MROH7: variants seen among roughly 807,000 people sequenced by gnomAD.
MROH7 encodes the protein maestro heat-like repeat-containing protein family member 7.
MROH7 carries 113 observed loss-of-function variants against 129.2 expected under a neutral mutation model. That is an observed-to-expected ratio of 0.87 (90% CI 0.75 to 1.02). MROH7 has a LOEUF of 1.02. Ranked by LOEUF, MROH7 falls within the 50% of genes least tolerant of loss-of-function variation. The probability of loss-of-function intolerance (pLI) is 0.00; values close to 1 mark genes in which losing one functional copy is unlikely to be tolerated. For synonymous variants in MROH7, 655 were observed against 667.9 expected, an observed-to-expected ratio of 0.98 and a Z score of 0.30; for missense variants, 1,601 against 1,671.3, an observed-to-expected ratio of 0.96 and a Z score of 0.73.
intron 10 of MROH7, among the ~76,000 whole-genome samples, chr1:54,675,865 G>T (rs752333553): frequency 1.5e-3 from 231 of 151,718 alleles, no homozygotes; most frequent in Non-Finnish European, 2.9e-3. Context: ...CGAACTTCTG[G>T]GCTCAAGTGA....
intron 17 of MROH7, 48 bp downstream of exon 17, chr1:54,695,538 C>A: frequency 8.4e-7 from 1 of 1,184,962 alleles, no homozygotes; most frequent in African/African-American, 1.5e-5. Flanking sequence ...TCCCGGGCCT[C>A]GGTTCACGTC....
Position 54,675,926 on chromosome 1 carries a change from G to A in MROH7, c.1936+1775G>A, listed in dbSNP as rs370956346. ...GCTGGGATTACAGGCGTGCACCACC[G>A]CACCCCGCCGAGGCAGCTCATTTAA... On this transcript the variant is annotated intron_variant, in intron 10 of 23. Transcript: ENST00000421030. 1.0e-3 allele frequency among the ~76,000 whole-genome samples: 153 copies of A among 151,946 alleles called. 1 individual carries two copies. The highest frequency in any genetic ancestry group is 3.4e-3 in the Middle Eastern group (1 of 294).
chr1:54,680,537 T>C (rs1352196799), intron 13 of MROH7, among the ~76,000 whole-genome samples: 1 of 152,178 alleles, frequency 6.6e-6, no homozygotes, highest in East Asian at 1.9e-4. Context: ...GTCATGACAG[T>C]AATGCAGCCA....
At chr1:54,656,006 G>A (rs1215150642) in intron 3 of MROH7, among the ~76,000 whole-genome samples, 1 of 149,200 alleles carries the variant, frequency 6.7e-6, no homozygotes. Context: ...TGATTCTCCT[G>A]CCTCAGCCTC....
Position 54,653,862 on chromosome 1 carries a change from C to T in MROH7, c.936C>T (p.Ser312=), listed in dbSNP as rs1239149335. ...CCAGCTATGGTATCAGCCTGCACTC[C>T]AGCACCCATGAGCCCAACTCCACCA... The part of the protein sequence containing the change: ...PGSSYGISLH[S]STHEPNSTIS... The change falls in exon 3 of 24, where the codon TCC becomes TCT. Residue 312 remains serine, a synonymous_variant. Transcript: ENST00000421030. 1.2e-5 allele frequency: 20 copies of T among 1,613,930 alleles called. No individual in the cohort carries two copies. Among genetic ancestry groups the T allele is most frequent in the African/African-American group, 2.7e-5 (2 of 74,912 alleles).
chr1:54,701,620 A>G (rs1274928409), intron 19 of MROH7, among the ~76,000 whole-genome samples: 1 of 152,166 alleles, frequency 6.6e-6, no homozygotes, highest in Non-Finnish European at 1.5e-5. Flanking sequence ...TTGCTCTGGC[A>G]CCCAGGCTGG....
intron 1 of MROH7, among the ~76,000 whole-genome samples, chr1:54,646,693 A>G (rs1195726016): frequency 6.6e-6 from 1 of 152,186 alleles, no homozygotes; most frequent in Non-Finnish European, 1.5e-5. Context: ...ATTAGTGACA[A>G]TTACTGTGTT....
chr1:54,663,978 C>T, intron 3 of MROH7: 1 of 325,056 alleles, frequency 3.1e-6, no homozygotes, highest in East Asian at 8.6e-5. Flanking sequence ...GTGACCTTGT[C>T]CTCAGAAGGA....
intron 1 of MROH7, among the ~76,000 whole-genome samples, chr1:54,648,935 A>G (rs1165875065): frequency 6.6e-6 from 1 of 152,122 alleles, no homozygotes; most frequent in African/African-American, 2.4e-5. Context: ...TCTGGCTTGG[A>G]TGATAGATGG....
At chr1:54,696,262 G>A (rs566996962) in intron 17 of MROH7, among the ~76,000 whole-genome samples, 1 of 152,212 alleles carries the variant, frequency 6.6e-6, no homozygotes, top group Non-Finnish European at 1.5e-5. Flanking sequence ...TTCAAATAAA[G>A]ACATCTGGGC....
At chr1:54,677,944 A>C (rs895456062) in intron 10 of MROH7, among the ~76,000 whole-genome samples, 1 of 152,216 alleles carries the variant, frequency 6.6e-6, no homozygotes, top group Admixed American at 6.5e-5. Flanking sequence ...GATGACAAAA[A>C]CTAAAGAAAA....
At chr1:54,692,980 A>G (rs759351590) in intron 16 of MROH7, among the ~76,000 whole-genome samples, 1 of 151,992 alleles carries the variant, frequency 6.6e-6, no homozygotes, top group Non-Finnish European at 1.5e-5. Flanking sequence ...CTTTCCTTCA[A>G]TAGCATGGAA....
chr1:54,703,879 G>C lies in MROH7; in HGVS notation c.3564+1134G>C, dbSNP rs1180590452. ...TTCAGCACAGGCCTCAGCCAACACTGCCACGAGATTCCCAAATTTGGCCTG... is the reference window on the plus strand; with the variant it reads ...TTCAGCACAGGCCTCAGCCAACACTCCCACGAGATTCCCAAATTTGGCCTG... On this transcript the variant is annotated intron_variant, in intron 21 of 23. Coordinates refer to ENST00000421030, the MANE Select transcript of MROH7 (RefSeq NM_001039464.4). The surrounding 1 kb of genome is among the most constrained non-coding windows in gnomAD (Gnocchi z 4.4). 1.3e-5 allele frequency among the ~76,000 whole-genome samples: 2 copies of C among 152,110 alleles called. No individual in the cohort carries two copies. Among genetic ancestry groups the C allele is most frequent in the Non-Finnish European group, 2.9e-5 (2 of 68,006 alleles).
At chr1:54,690,649 T>C (rs1020552630) in intron 15 of MROH7, among the ~76,000 whole-genome samples, 3 of 152,152 alleles carry the variant, frequency 2.0e-5, no homozygotes, top group Non-Finnish European at 2.9e-5. Context: ...TTCACCATGT[T>C]AGCCAGGATG....
intron 13 of MROH7, among the ~76,000 whole-genome samples, chr1:54,682,263 C>T (rs1157764238): frequency 1.3e-5 from 2 of 150,842 alleles, no homozygotes; most frequent in Non-Finnish European, 2.9e-5. Flanking sequence ...CTCCCGGGTT[C>T]AAGCGATTCT....
chr1:54,670,003 CA>C (rs34295281), intron 5 of MROH7, among the ~76,000 whole-genome samples: 48,417 of 105,292 alleles, frequency 0.46, 8,353 homozygotes, highest in South Asian at 0.62. Flanking sequence ...GACTTCATGT[CA>C]AAAAAAAAAA....
intron 1 of MROH7, among the ~76,000 whole-genome samples, chr1:54,644,999 G>A (rs978998708): frequency 5.3e-5 from 8 of 150,266 alleles, no homozygotes; most frequent in African/African-American, 1.7e-4. Context: ...TAGTAGAGAC[G>A]GGGTTTCACC....
At chr1:54,667,348 T>C (rs891629051) in intron 4 of MROH7, among the ~76,000 whole-genome samples, 8 of 151,026 alleles carry the variant, frequency 5.3e-5, no homozygotes, top group Admixed American at 4.7e-4. Context: ...GGGATAGGGA[T>C]GGTGGCTCAC....
At chr1:54,699,800 C>T in intron 17 of MROH7, 1 of 369,638 alleles carries the variant, frequency 2.7e-6, no homozygotes, top group Non-Finnish European at 4.8e-6. Context: ...AAGTCCAGGG[C>T]ACCCAAGGGC....
Sources: allele counts gnomAD v4.1 joint callset (sites outside exome capture counted in the v4.1 genomes callset), GRCh38; gene constraint gnomAD v4.1.1; non-coding constraint Gnocchi (gnomAD v3.1); transcripts MANE v1.5; gene names NCBI Gene and HGNC (gene_info 2026-07-23, HGNC 2026-07-21).